Variants in SETBP1 observed in about 807,000 individuals in gnomAD.
The protein encoded by SETBP1 is SET binding protein 1, also known as SET-binding protein.
Under a neutral mutation model 101.0 loss-of-function variants are expected in SETBP1, and 9 were observed. That is an observed-to-expected ratio of 0.09 (90% CI 0.05 to 0.16). The LOEUF (loss-of-function observed/expected upper bound fraction) is 0.16, where lower values mean the gene tolerates loss of function less well. Ranked by LOEUF, SETBP1 falls within the 10% of genes least tolerant of loss-of-function variation. The pLI is 1.00. For synonymous variants in SETBP1, 818 were observed against 788.5 expected, an observed-to-expected ratio of 1.04 and a Z score of -0.63; for missense variants, 1,858 against 2,033.8, an observed-to-expected ratio of 0.91 and a Z score of 1.66.
intron 2 of SETBP1, among the ~76,000 whole-genome samples, chr18:44,779,962 GCA>G (rs377245295): frequency 6.6e-6 from 1 of 150,998 alleles, no homozygotes; most frequent in Admixed American, 6.6e-5. Flanking sequence ...ACACACGCAT[GCA>G]CACACACACG....
At chr18:44,798,819 C>T (rs757873817) in intron 2 of SETBP1, among the ~76,000 whole-genome samples, 11 of 152,144 alleles carry the variant, frequency 7.2e-5, no homozygotes, top group Admixed American at 3.3e-4. Context: ...AAATAACTCT[C>T]GCTTATCTCC....
Position 45,063,795 on chromosome 18 carries a change from C to T in SETBP1, c.*97C>T. ...GCGGAATCCCCCGCTGCAGGGACAC[C>T]CACGCCCTTCTCTCCAGAAGCCGGG... On this transcript the variant is annotated 3_prime_UTR_variant, in exon 6 of 6. Coordinates refer to ENST00000649279, the MANE Select transcript of SETBP1 (RefSeq NM_015559.3). The T allele has an allele frequency of 7.4e-7, 1 of 1,359,428 alleles. No individual in the cohort carries two copies. Among genetic ancestry groups the T allele is most frequent in the Non-Finnish European group, 1.0e-6 (1 of 994,452 alleles). 84.2% of individuals were successfully genotyped at this position (1,359,428 alleles called of 1,614,324 possible).
chr18:45,011,226 G>T (rs2072830954), intron 4 of SETBP1, among the ~76,000 whole-genome samples: 1 of 152,164 alleles, frequency 6.6e-6, no homozygotes. Context: ...GTACTCCAGG[G>T]ATGTATGTTG....
chr18:44,880,287 C>G (rs1210496923), intron 3 of SETBP1, among the ~76,000 whole-genome samples: 4 of 152,162 alleles, frequency 2.6e-5, no homozygotes, highest in African/African-American at 7.2e-5. Context: ...CAGAAAAGAG[C>G]CATCCAGGCT....
At chr18:44,684,697 A>G (rs1461759929) in intron 1 of SETBP1, among the ~76,000 whole-genome samples, 2 of 151,242 alleles carry the variant, frequency 1.3e-5, no homozygotes, top group Non-Finnish European at 2.9e-5. Flanking sequence ...CCCAGGCTGG[A>G]GTGCAGTGGC....
intron 2 of SETBP1, among the ~76,000 whole-genome samples, chr18:44,792,700 T>C (rs1036104844): frequency 2.6e-5 from 4 of 152,234 alleles, no homozygotes; most frequent in East Asian, 3.9e-4. Flanking sequence ...AGTAGGAATA[T>C]GCTTTTTGAT....
At position 44,950,536 on chromosome 18, in the gene SETBP1, A is replaced by G. The variant is rs774121711; in HGVS notation, c.1196A>G (p.His399Arg). The G allele has an allele frequency of 1.2e-6, 2 of 1,614,094 alleles. No individual in the cohort carries two copies. The highest frequency in any genetic ancestry group is 1.7e-5 in the Admixed American group (1 of 60,018). ...AGTAATCCTGAAAATGACTCAAGTC[A>G]TGTCCGGATTACTATCCCCATCAAG... ...SASNPENDSS[H>R]VRITIPIKAP... is the part of the protein sequence containing the mutation. The change falls in exon 4 of 6, where the codon CAT (histidine) becomes CGT (arginine). Residue 399 changes from histidine (H) to arginine (R), a missense_variant. This residue lies in a region of SETBP1 where 581 missense variants were observed against 535.1 expected (regional missense o/e 1.09). Transcript: ENST00000649279.
intron 3 of SETBP1, among the ~76,000 whole-genome samples, chr18:44,877,728 A>G (rs2069441367): frequency 6.6e-6 from 1 of 151,922 alleles, no homozygotes; most frequent in Non-Finnish European, 1.5e-5. Flanking sequence ...ACAAGTATAC[A>G]TTTTTTGAAC....
Position 44,950,525 on chromosome 18 carries a change from T to A in SETBP1, c.1185T>A (p.Asn395Lys). The A allele has an allele frequency of 6.2e-7, 1 of 1,613,972 alleles. No homozygotes were observed. Among genetic ancestry groups the A allele is most frequent in the Non-Finnish European group, 8.5e-7 (1 of 1,180,010 alleles). The change falls in exon 4 of 6, where the codon AAT becomes AAA. Residue 395 changes from asparagine to lysine, a missense_variant. Asn to Lys is a moderately conservative substitution (Grantham distance 94). Coordinates refer to ENST00000649279, the MANE Select transcript of SETBP1 (RefSeq NM_015559.3). ...QNVSSASNPE[N>K]DSSHVRITIP... ...TGAGTTCTGCCAGTAATCCTGAAAATGACTCAAGTCATGTCCGGATTACTA... is the reference window on the plus strand; with the variant it reads ...TGAGTTCTGCCAGTAATCCTGAAAAAGACTCAAGTCATGTCCGGATTACTA...
chr18:44,908,228 T>A (rs1222042380), intron 3 of SETBP1, among the ~76,000 whole-genome samples: 1 of 152,036 alleles, frequency 6.6e-6, no homozygotes, highest in Non-Finnish European at 1.5e-5. Context: ...GCTCATCTAA[T>A]TTTTGTATTT....
Position 44,950,215 on chromosome 18 carries a change from C to T in SETBP1, c.875C>T (p.Ser292Phe). The T allele has an allele frequency of 6.2e-7, 1 of 1,613,898 alleles. No individual in the cohort carries two copies. The highest frequency in any genetic ancestry group is 8.5e-7 in the Non-Finnish European group (1 of 1,179,990). Residue 292 changes from serine (S) to phenylalanine (F), a missense_variant, in exon 4 of 6, where the codon TCC (serine) becomes TTC (phenylalanine). Transcript: ENST00000649279. The stretch of plus-strand genomic sequence containing the variant: ...CTGCTCTTGGGAGGTGTGGCTCCAT[C>T]CCCAAGCAGCCACAGCTCACCAGCC... Reference protein sequence around the residue: ...KDLLLGGVAPSPSSHSSPAPP... With the variant: ...KDLLLGGVAPFPSSHSSPAPP...
chr18:44,988,136 A>G (rs1350442295), intron 4 of SETBP1: 1 of 152,256 alleles, frequency 6.6e-6, no homozygotes, highest in Non-Finnish European at 1.5e-5. Context: ...TTTGGAAAAG[A>G]AGGGACACAA....
chr18:44,869,898 A>G (rs2069234336), intron 3 of SETBP1: 1 of 177,922 alleles, frequency 5.6e-6, no homozygotes, highest in South Asian at 1.2e-4. Flanking sequence ...CTGTCTCTGG[A>G]AAAGGAGTCC....
chr18:45,019,478 A>T (rs372865295), intron 4 of SETBP1, among the ~76,000 whole-genome samples: 2 of 152,178 alleles, frequency 1.3e-5, no homozygotes, highest in African/African-American at 4.8e-5. Context: ...ATTTTTTTAA[A>T]TCTCTTTAAA....
intron 3 of SETBP1, among the ~76,000 whole-genome samples, chr18:44,893,542 G>A (rs2047788885): frequency 2.0e-5 from 3 of 152,106 alleles, no homozygotes; most frequent in Admixed American, 2.0e-4. Context: ...CGGTCTCCTG[G>A]CTGATAGATC....
chr18:44,831,238 A>G (rs1186101273), intron 2 of SETBP1, among the ~76,000 whole-genome samples: 2 of 152,188 alleles, frequency 1.3e-5, no homozygotes, highest in African/African-American at 2.4e-5. Flanking sequence ...ACTTGTTTTC[A>G]TGGATTATTT....
At chr18:44,995,970 C>T (rs960060749) in intron 4 of SETBP1, among the ~76,000 whole-genome samples, 1 of 152,154 alleles carries the variant, frequency 6.6e-6, no homozygotes. Flanking sequence ...TAACACTTAC[C>T]AAATGATTTG....
intron 2 of SETBP1, among the ~76,000 whole-genome samples, chr18:44,748,896 T>G (rs1350516366): frequency 6.6e-6 from 1 of 151,922 alleles, no homozygotes; most frequent in Non-Finnish European, 1.5e-5. Context: ...CGCAGACAGG[T>G]GAAGAGAGGT....
At chr18:44,809,126 G>T (rs1216160250) in intron 2 of SETBP1, among the ~76,000 whole-genome samples, 10 of 152,176 alleles carry the variant, frequency 6.6e-5, no homozygotes, top group Non-Finnish European at 1.5e-4. Flanking sequence ...CTGGAAACTT[G>T]ATTTTTTGAA....
Sources: allele counts gnomAD v4.1 joint callset (sites outside exome capture counted in the v4.1 genomes callset), GRCh38; gene constraint gnomAD v4.1.1; regional missense constraint gnomAD v4.1.1; transcripts MANE v1.5; gene names NCBI Gene and HGNC (gene_info 2026-07-23, HGNC 2026-07-21).